The following ZC3HAV1 variants were observed in gnomAD, a reference collection of about 807,000 sequenced individuals.
ZC3HAV1 encodes the protein zinc finger CCCH-type containing, antiviral 1.
ZC3HAV1 carries 41 observed loss-of-function variants against 86.6 expected under a neutral mutation model. The observed-to-expected ratio is 0.47, with a 90% CI of 0.37 to 0.61. The LOEUF is 0.61. Ranked by LOEUF, ZC3HAV1 falls within the 20% of genes least tolerant of loss-of-function variation. ZC3HAV1 has a pLI of 0.00. For missense variants in ZC3HAV1, 964 were observed against 1,141.1 expected (o/e 0.84, Z 2.24); for synonymous variants, 421 against 432.1 (o/e 0.97, Z 0.32).
Position 139,109,360 on chromosome 7 carries a change from G to A in ZC3HAV1, c.-29C>T. ...GCGCTGGCTGTGCTGGCTCTGCCGC[G>A]GCGCGGGACTCGGTTCCGCGGAAAT... On this transcript the variant is annotated 5_prime_UTR_variant, in exon 1 of 13. Coordinates refer to ENST00000242351, the MANE Select transcript of ZC3HAV1 (RefSeq NM_020119.4). The A allele has an allele frequency of 6.5e-7, 1 of 1,535,344 alleles. No individual in the cohort carries two copies. The highest frequency in any genetic ancestry group is 8.8e-7 in the Non-Finnish European group (1 of 1,142,722).
Position 139,047,711 on chromosome 7 carries a change from G to C in ZC3HAV1, c.2592C>G (p.Phe864Leu), listed in dbSNP as rs3735008. ...TCGATCTGGTATCCACACAGCTGTC[G>C]AACTGTGGAGGAGGGCTCGTGTACG... is the stretch of plus-strand genomic sequence containing the variant. The part of the protein sequence containing the change: ...NITYTSPPPQ[F>L]DSCVDTRSNP... Residue 864 changes from phenylalanine to leucine, a missense_variant, in exon 13 of 13, where the codon TTC (phenylalanine) becomes TTG (leucine). Physicochemically the swap from Phe to Leu is conservative, Grantham distance 22. Transcript: ENST00000242351. 2.5e-6 allele frequency: 4 copies of C among 1,613,798 alleles called. No homozygotes were observed. The South Asian group carries it at 4.4e-5, about 18-fold the overall frequency.
rs372828133 is a variant in ZC3HAV1 at position 139,108,319 on chromosome 7, G to A, written c.308+705C>T. Among the ~76,000 whole-genome samples the A allele has an allele frequency of 6.6e-6, 1 of 151,766 alleles. No individual in the cohort carries two copies. Among genetic ancestry groups the A allele is most frequent in the East Asian group, 1.9e-4 (1 of 5,196 alleles). ...AACAACAGAAGCAGTGGCCCGAGAC[G>A]TGAGCCACACTGCTTCAAAGGGATT... is the stretch of plus-strand genomic sequence containing the variant. On this transcript the variant is annotated intron_variant, in intron 1 of 12. Coordinates refer to ENST00000242351, the MANE Select transcript of ZC3HAV1 (RefSeq NM_020119.4). This position sits in a 1 kb window ranked among gnomAD's most constrained non-coding sequence, Gnocchi z 4.2.
intron 1 of ZC3HAV1, among the ~76,000 whole-genome samples, chr7:139,105,337 G>A (rs1584878419): frequency 3.3e-5 from 5 of 152,168 alleles, no homozygotes; most frequent in Admixed American, 2.0e-4. Context: ...CAATAAGGAT[G>A]GGACTTAAAA....
At chr7:139,053,609 C>T (rs377505240) in intron 11 of ZC3HAV1, 28 bp from the exon 12 acceptor site, 61 of 1,551,102 alleles carry the variant, frequency 3.9e-5, no homozygotes, top group East Asian at 1.2e-4. Flanking sequence ...AGACTTAACA[C>T]GGAGACATCC....
chr7:139,055,082 AC>A, intron 10 of ZC3HAV1, 122 bp downstream of exon 10: 1 of 851,812 alleles, frequency 1.2e-6, no homozygotes, highest in Non-Finnish European at 1.9e-6. Flanking sequence ...GAGCCACTGC[AC>A]CCAGCCGATC....
intron 1 of ZC3HAV1, among the ~76,000 whole-genome samples, chr7:139,093,963 G>A (rs1295628341): frequency 2.0e-5 from 3 of 152,208 alleles, no homozygotes; most frequent in Non-Finnish European, 2.9e-5. Flanking sequence ...ATATTGGCTA[G>A]TGGGCTTCAG....
intron 3 of ZC3HAV1, among the ~76,000 whole-genome samples, chr7:139,081,269 G>A (rs747374963): frequency 1.3e-4 from 19 of 151,826 alleles, no homozygotes; most frequent in Non-Finnish European, 2.5e-4. Context: ...ATGTGTGCTC[G>A]TGTGTGTGTG....
intron 3 of ZC3HAV1, among the ~76,000 whole-genome samples, chr7:139,081,936 T>TG (rs1376070251): frequency 1.3e-5 from 2 of 152,214 alleles, no homozygotes; most frequent in African/African-American, 4.8e-5. Context: ...ACATTAAAAA[T>TG]GAATGCCATT....
At chr7:139,088,617 A>G (rs997715868) in intron 2 of ZC3HAV1, among the ~76,000 whole-genome samples, 1 of 152,142 alleles carries the variant, frequency 6.6e-6, no homozygotes, top group Admixed American at 6.6e-5. Flanking sequence ...TAGCTGCCCA[A>G]CAACTCAGGC....
chr7:139,087,447 CAGAGAGAGAG>C (rs58929440), intron 2 of ZC3HAV1, among the ~76,000 whole-genome samples: 1 of 138,876 alleles, frequency 7.2e-6, no homozygotes, highest in African/African-American at 2.7e-5. Flanking sequence ...GAGACAGAGA[CAGAGAGAGAG>C]AGAGAGAGGG....
chr7:139,059,794 T>C (rs928557025), intron 9 of ZC3HAV1, among the ~76,000 whole-genome samples: 1 of 152,196 alleles, frequency 6.6e-6, no homozygotes, highest in Non-Finnish European at 1.5e-5. Flanking sequence ...TAATTATATA[T>C]ATAGTTACTA....
Position 139,079,671 on chromosome 7 carries a change from G to A in ZC3HAV1, c.1270C>T (p.Pro424Ser). 1.9e-6 allele frequency: 3 copies of A among 1,614,170 alleles called. No individual in the cohort carries two copies. The highest frequency in any genetic ancestry group is 2.2e-5 in the East Asian group (1 of 44,884). The change falls in exon 4 of 13, where the codon CCT (proline) becomes TCT (serine). Residue 424 changes from proline (P) to serine (S), a missense_variant. Transcript: ENST00000242351. ...NGKSGTQDIQ[P>S]GPLFNNNADG... ...GCATTATTATTAAAAAGAGGGCCAGGCTGGATGTCCTGAGTTCCACTTTTG... is the reference window on the plus strand; with the variant it reads ...GCATTATTATTAAAAAGAGGGCCAGACTGGATGTCCTGAGTTCCACTTTTG...
chr7:139,051,143 T>C (rs367673858), intron 12 of ZC3HAV1, among the ~76,000 whole-genome samples: 7 of 151,744 alleles, frequency 4.6e-5, no homozygotes, highest in South Asian at 2.1e-4. Flanking sequence ...CCGCAACCTC[T>C]GCCTCCCGGG....
At chr7:139,059,143 T>C (rs933738906) in intron 9 of ZC3HAV1, among the ~76,000 whole-genome samples, 2 of 152,182 alleles carry the variant, frequency 1.3e-5, no homozygotes, top group Non-Finnish European at 1.5e-5. Flanking sequence ...ATTGGCTGAA[T>C]GTGAACAGCC....
chr7:139,104,053 A>ATTTTCT (rs1475804716), intron 1 of ZC3HAV1, among the ~76,000 whole-genome samples: 2 of 152,190 alleles, frequency 1.3e-5, no homozygotes, highest in Non-Finnish European at 2.9e-5. Context: ...TGTTTAGTAT[A>ATTTTCT]TTTTAAAAGA....
chr7:139,102,092 A>G (rs913366391), intron 1 of ZC3HAV1, among the ~76,000 whole-genome samples: 1 of 152,184 alleles, frequency 6.6e-6, no homozygotes, highest in Non-Finnish European at 1.5e-5. Flanking sequence ...CAAAATGTTC[A>G]AAGCATAATG....
At chr7:139,081,514 G>C (rs1159198084) in intron 3 of ZC3HAV1, among the ~76,000 whole-genome samples, 1 of 152,120 alleles carries the variant, frequency 6.6e-6, no homozygotes, top group African/African-American at 2.4e-5. Context: ...CTGTTCAGAG[G>C]GAACTGTAGT....
At chr7:139,082,140 C>T (rs764754606) in intron 3 of ZC3HAV1, among the ~76,000 whole-genome samples, 2 of 152,072 alleles carry the variant, frequency 1.3e-5, no homozygotes, top group Non-Finnish European at 2.9e-5. Context: ...TGGCAGGCAC[C>T]TGTAATCCCA....
At chr7:139,089,560 A>G in intron 2 of ZC3HAV1, 64 bp downstream of exon 2, 5 of 1,494,648 alleles carry the variant, frequency 3.3e-6, no homozygotes, top group Non-Finnish European at 4.5e-6. Flanking sequence ...CCTACTCCAA[A>G]ATATCTGTGA....
Sources: allele counts gnomAD v4.1 joint callset (sites outside exome capture counted in the v4.1 genomes callset), GRCh38; gene constraint gnomAD v4.1.1; non-coding constraint Gnocchi (gnomAD v3.1); transcripts MANE v1.5; gene names NCBI Gene and HGNC (gene_info 2026-07-23, HGNC 2026-07-21).